The following CYFIP1 variants were observed in gnomAD, a reference collection of about 807,000 sequenced individuals.
The protein encoded by CYFIP1 is cytoplasmic FMR1 interacting protein 1.
CYFIP1 carries 58 observed loss-of-function variants against 163.5 expected under a neutral mutation model. The ratio of observed to expected loss-of-function variants is 0.35; its 90% CI spans 0.29 to 0.44. The LOEUF is 0.44. CYFIP1 is among the 20% of genes least tolerant of loss of function. The pLI is 1.00. For synonymous variants in CYFIP1, 663 were observed against 660.7 expected (o/e 1.00, Z -0.05); for missense variants, 1,338 against 1,653.8 (o/e 0.81, Z 3.31).
At chr15:22,969,770 T>C (rs1489988794) in intron 1 of CYFIP1, among the ~76,000 whole-genome samples, 2 of 152,108 alleles carry the variant, frequency 1.3e-5, no homozygotes, top group Non-Finnish European at 2.9e-5. Flanking sequence ...AAACAAATTT[T>C]AAATATAAAA....
chr15:22,874,737 T>TA (rs2059534396), intron 27 of CYFIP1, 93 bp from the exon 28 acceptor site: 1 of 779,766 alleles, frequency 1.3e-6, no homozygotes, highest in Non-Finnish European at 1.9e-6. Context: ...AAAAGATTTT[T>TA]AAGTTAACAT....
In CYFIP1 at chr15:22,867,296, GCTC is replaced by G. The variant is rs2059163991; in HGVS notation, c.*2729_*2731del. On this transcript the variant is annotated 3_prime_UTR_variant, in exon 31 of 31. Coordinates refer to ENST00000617928, the MANE Select transcript of CYFIP1 (RefSeq NM_014608.6). The stretch of plus-strand genomic sequence containing the variant: ...GTGATTTACCTTACCTACAAAAGTG[GCTC>G]CTGTTTGTTTGATGATGATTGGTTT... 7 of 398,084 alleles carry G rather than the reference GCTC, an allele frequency of 1.8e-5. No homozygotes were observed. Among genetic ancestry groups the G allele is most frequent in the Non-Finnish European group, 3.1e-5 (7 of 226,024 alleles). 24.7% of individuals were successfully genotyped at this position (398,084 alleles called of 1,614,324 possible). A position where few individuals can be genotyped will look rare whatever the true frequency, so the allele number is the denominator to read the frequency against.
Position 22,872,948 on chromosome 15 carries a change from G to C in CYFIP1, c.3474C>G (p.His1158Gln), listed in dbSNP as rs1243842402. Reference protein sequence around the residue: ...TVEQCFGDGLHWAGCMIIVLL... With the variant: ...TVEQCFGDGLQWAGCMIIVLL... ...GTACGATGATCATACAGCCAGCCCA[G>C]TGTAGCCCATCACCAAAGCACTGCC... The change falls in exon 30 of 31, where the codon CAC becomes CAG. Residue 1158 changes from histidine (H) to glutamine (Q), a missense_variant. Coordinates refer to ENST00000617928, the MANE Select transcript of CYFIP1 (RefSeq NM_014608.6). The C allele has an allele frequency of 9.9e-6, 16 of 1,613,914 alleles. No homozygotes were observed. The highest frequency in any genetic ancestry group is 1.2e-5 in the Non-Finnish European group (14 of 1,179,976).
chr15:22,868,984 T>C lies in CYFIP1; in HGVS notation c.*1044A>G, dbSNP rs1258439855. ...CATTGCCTTAGTACTTTTTAAAATA[T>C]GGCTTTAGTTTCTCAAACATGTTCG... On this transcript the variant is annotated 3_prime_UTR_variant, in exon 31 of 31. Transcript: ENST00000617928. 1.3e-5 allele frequency: 2 copies of C among 152,240 alleles called. No individual in the cohort carries two copies. Among genetic ancestry groups the C allele is most frequent in the Admixed American group, 1.3e-4 (2 of 15,292 alleles). 9.4% of individuals were successfully genotyped at this position (152,240 alleles called of 1,614,324 possible).
Position 22,867,436 on chromosome 15 carries a change from A to G in CYFIP1, c.*2592T>C, listed in dbSNP as rs1262549738. 1.4e-5 allele frequency: 5 copies of G among 363,946 alleles called. No homozygotes were observed. Among genetic ancestry groups the G allele is most frequent in the Non-Finnish European group, 1.9e-5 (4 of 205,678 alleles). The allele number at this position is 363,946 out of a possible 1,614,324, so 22.5% of individuals were successfully genotyped here. ...CCCCAAGGAACGATTTCTCAGGTTG[A>G]GATGATCACCGTGAATCCGGCTTCC... On this transcript the variant is annotated 3_prime_UTR_variant, in exon 31 of 31. Coordinates refer to ENST00000617928, the MANE Select transcript of CYFIP1 (RefSeq NM_014608.6).
chr15:22,939,219 C>A lies in CYFIP1; in HGVS notation c.768G>T (p.Thr256=), dbSNP rs573484128. The change falls in exon 8 of 31, where the codon ACG becomes ACT. Residue 256 remains threonine, a synonymous_variant. Transcript: ENST00000617928. ...TGAGAAGCATGTGTTTCTCACTGGGCGTCAAATACATCCTGTTCTCGTAGT... is the reference window on the plus strand; with the variant it reads ...TGAGAAGCATGTGTTTCTCACTGGGAGTCAAATACATCCTGTTCTCGTAGT... ...VDYYENRMYL[T]PSEKHMLLKV... 3 of 1,614,186 alleles carry A rather than the reference C, an allele frequency of 1.9e-6. No individual in the cohort carries two copies. The highest frequency in any genetic ancestry group is 2.7e-5 in the African/African-American group (2 of 75,048).
At chr15:22,944,108 G>A (rs542976816) in intron 5 of CYFIP1, among the ~76,000 whole-genome samples, 49 of 151,768 alleles carry the variant, frequency 3.2e-4, no homozygotes, top group Non-Finnish European at 4.7e-4. Flanking sequence ...GCGTGGTGGC[G>A]GGCACCTGTA....
At position 22,879,773 on chromosome 15, in the gene CYFIP1, C is replaced by A. The variant is rs1254719594; in HGVS notation, c.3042+140G>T. On this transcript the variant is annotated intron_variant, in intron 26 of 30. Coordinates refer to ENST00000617928, the MANE Select transcript of CYFIP1 (RefSeq NM_014608.6). ...GAACAAATTCAAACTAAAGTCTCAACAGCCACAAAAAAAAAAAAATGATGC... is the reference window on the plus strand; with the variant it reads ...GAACAAATTCAAACTAAAGTCTCAAAAGCCACAAAAAAAAAAAAATGATGC... The A allele has an allele frequency of 8.1e-6, 5 of 621,066 alleles. No individual in the cohort carries two copies. The East Asian group carries it at 1.1e-4, about 14-fold the overall frequency. The allele number at this position is 621,066 out of a possible 1,614,324, so 38.5% of individuals were successfully genotyped here.
intron 26 of CYFIP1, among the ~76,000 whole-genome samples, chr15:22,879,179 T>C (rs1277910797): frequency 6.7e-6 from 1 of 149,510 alleles, no homozygotes; most frequent in East Asian, 1.9e-4. Context: ...AAGAACTCAA[T>C]GGGGCATTTC....
intron 13 of CYFIP1, among the ~76,000 whole-genome samples, chr15:22,919,185 T>C (rs2061097563): frequency 6.6e-6 from 1 of 152,132 alleles, no homozygotes; most frequent in Non-Finnish European, 1.5e-5. Flanking sequence ...GCAGGCATGA[T>C]ATTACTAGAA....
At chr15:22,973,811 A>G (rs1293756598) in intron 1 of CYFIP1, among the ~76,000 whole-genome samples, 1 of 152,216 alleles carries the variant, frequency 6.6e-6, no homozygotes, top group Non-Finnish European at 1.5e-5. Context: ...CATATAACTA[A>G]TAAGGGATTA....
In CYFIP1 at chr15:22,868,889, T is replaced by C. The variant is rs1302243756; in HGVS notation, c.*1139A>G. On this transcript the variant is annotated 3_prime_UTR_variant, in exon 31 of 31. Transcript: ENST00000617928. ...TAATCATGCTGGACTTGTGTTTATC[T>C]GTAGTATTCATCTACAATAAACAGG... 6.6e-6 allele frequency: 1 copy of C among 151,716 alleles called. No individual in the cohort carries two copies. Among genetic ancestry groups the C allele is most frequent in the Non-Finnish European group, 1.5e-5 (1 of 67,996 alleles). The allele number at this position is 151,716 out of a possible 1,614,324, so 9.4% of individuals were successfully genotyped here.
At chr15:22,925,679 C>G (rs997022349) in intron 13 of CYFIP1, among the ~76,000 whole-genome samples, 2 of 152,180 alleles carry the variant, frequency 1.3e-5, no homozygotes, top group Non-Finnish European at 2.9e-5. Flanking sequence ...AGCAAGACAG[C>G]TCTTCTCTCT....
intron 13 of CYFIP1, among the ~76,000 whole-genome samples, chr15:22,922,646 A>C (rs2061223398): frequency 6.6e-6 from 1 of 152,232 alleles, no homozygotes. Context: ...AAATCCACTC[A>C]AAATGGATCA....
At chr15:22,883,317 CT>C (rs1331910120) in intron 23 of CYFIP1, among the ~76,000 whole-genome samples, 2 of 152,200 alleles carry the variant, frequency 1.3e-5, no homozygotes, top group Non-Finnish European at 2.9e-5. Flanking sequence ...GAGTTTCCCC[CT>C]GCCTCCCAGT....
At chr15:22,924,798 G>A (rs571898243) in intron 13 of CYFIP1, among the ~76,000 whole-genome samples, 4 of 152,126 alleles carry the variant, frequency 2.6e-5, no homozygotes, top group Non-Finnish European at 5.9e-5. Context: ...TTGGCTGGGC[G>A]CAGTGGCTCA....
rs930490904 is a variant in CYFIP1, at chr15:22,910,913, C to T, written c.2083-100G>A. 2.1e-5 allele frequency: 22 copies of T among 1,040,366 alleles called. 1 individual carries two copies. Among genetic ancestry groups the T allele is most frequent in the South Asian group, 4.2e-5 (3 of 71,990 alleles). 64.4% of individuals were successfully genotyped at this position (1,040,366 alleles called of 1,614,324 possible). On this transcript the variant is annotated intron_variant, in intron 18 of 30. Coordinates refer to ENST00000617928, the MANE Select transcript of CYFIP1 (RefSeq NM_014608.6). ...GTTTCGTTAAGGCAACTAACTGAGG[C>T]TCTTTTATTTTTTTGAGACGGAGTC...
rs567381886 is a variant in CYFIP1, at chr15:22,962,078, A to T, written c.-6-14787T>A. ...AGCCAAACAGCTGCTCAGGTGAGAA[A>T]CAGTGTCAAGGCAGCACTACTATAG... On this transcript the variant is annotated intron_variant, in intron 1 of 30. Transcript: ENST00000617928. Among the ~76,000 whole-genome samples, 6 of 152,292 alleles carry T rather than the reference A, an allele frequency of 3.9e-5. No individual in the cohort carries two copies. In the East Asian group the frequency reaches 1.2e-3, roughly 29 times the overall value.
At chr15:22,886,248 G>A (rs2059924105) in intron 23 of CYFIP1, among the ~76,000 whole-genome samples, 1 of 152,118 alleles carries the variant, frequency 6.6e-6, no homozygotes, top group Non-Finnish European at 1.5e-5. Context: ...AATTTCAGAT[G>A]AGATTTGGGT....
Sources: gnomAD v4.1 joint callset for allele counts (sites outside exome capture counted in the v4.1 genomes callset) on GRCh38, gnomAD v4.1.1 for gene constraint, MANE v1.5 for transcripts, NCBI Gene and HGNC (gene_info 2026-07-23, HGNC 2026-07-21) for gene names.